Variants in SDHA observed in about 807,000 individuals in gnomAD.
SDHA encodes the protein succinate dehydrogenase complex flavoprotein subunit A.
Under a neutral mutation model 78.4 loss-of-function variants are expected in SDHA, and 48 were observed. The ratio of observed to expected loss-of-function variants is 0.61; its 90% CI spans 0.49 to 0.78. The LOEUF (loss-of-function observed/expected upper bound fraction) is 0.78. SDHA is among the 30% of genes least tolerant of loss of function. SDHA has a pLI of 0.00. For missense variants in SDHA, 680 were observed against 892.7 expected (o/e 0.76, Z 3.04); for synonymous variants, 326 against 353.9 (o/e 0.92, Z 0.88).
At chr5:251,762 A>G in intron 13 of SDHA, 1 of 1,359,764 alleles carries the variant, frequency 7.4e-7, no homozygotes. Flanking sequence ...TGGCAAGACC[A>G]GGAAATAAAT....
chr5:238,242 T>C (rs1387058095), intron 10 of SDHA, among the ~76,000 whole-genome samples: 1 of 152,038 alleles, frequency 6.6e-6, no homozygotes, highest in Non-Finnish European at 1.5e-5. Context: ...AGAGGCTGCT[T>C]CCTGATTGTG....
chr5:236,288 T>C, intron 9 of SDHA, 140 bp from the exon 10 acceptor site: 1 of 807,396 alleles, frequency 1.2e-6, no homozygotes, highest in Non-Finnish European at 2.1e-6. Flanking sequence ...CCTCCCAAAG[T>C]GCTGAGATTA....
At chr5:247,173 G>A (rs1163853206) in intron 11 of SDHA, among the ~76,000 whole-genome samples, 2 of 152,220 alleles carry the variant, frequency 1.3e-5, no homozygotes, top group African/African-American at 4.8e-5. Context: ...GCTTGTAGCT[G>A]TAATTGAGGT....
intron 1 of SDHA, 151 bp downstream of exon 1, chr5:218,569 G>T: frequency 1.7e-6 from 1 of 584,914 alleles, no homozygotes; most frequent in Non-Finnish European, 2.6e-6. Flanking sequence ...GCCCTGGGCC[G>T]GTGCGAGGGG....
At position 256,889 on chromosome 5, in the gene SDHA, A is replaced by G. The variant is rs1199361983; in HGVS notation, c.*469A>G. 6.8e-6 allele frequency among the ~76,000 whole-genome samples: 1 copy of G among 147,256 alleles called. No homozygotes were observed. The highest frequency in any genetic ancestry group is 2.6e-5 in the African/African-American group (1 of 38,762). On this transcript the variant is annotated 3_prime_UTR_variant, in exon 15 of 15. Coordinates refer to ENST00000264932, the MANE Select transcript of SDHA (RefSeq NM_004168.4). ...CAATCACAGCTCACTGCAGCCTCAA[A>G]CTCCTGGGCAGCTCAGGTGATCTTC...
At chr5:255,635 G>C (rs1333659808) in intron 14 of SDHA, among the ~76,000 whole-genome samples, 1 of 151,898 alleles carries the variant, frequency 6.6e-6, no homozygotes, top group African/African-American at 2.4e-5. Flanking sequence ...TAGAGATGGG[G>C]TTTCTCCACG....
downstream of SDHA, among the ~76,000 whole-genome samples, chr5:261,549 G>C (rs1305969227): frequency 3.6e-5 from 1 of 27,698 alleles, no homozygotes; most frequent in Non-Finnish European, 7.3e-5. Flanking sequence ...TCCGCCTCCC[G>C]TCAGAGCATT....
intron 10 of SDHA, among the ~76,000 whole-genome samples, chr5:239,854 C>T (rs1054082865): frequency 6.6e-6 from 1 of 151,730 alleles, no homozygotes; most frequent in Non-Finnish European, 1.5e-5. Context: ...ACTGCAACCT[C>T]CACCTTTAGG....
chr5:229,735 CTATAGTTAACATTATACAGCATGGTGGT>C (rs1735266100), intron 6 of SDHA, among the ~76,000 whole-genome samples: 1 of 151,720 alleles, frequency 6.6e-6, no homozygotes, highest in South Asian at 2.1e-4. Flanking sequence ...AGCATGGTGG[CTATAGTTAACATTATACAGCATGGTGGT>C]TAGAGTTAAC....
intron 11 of SDHA, among the ~76,000 whole-genome samples, chr5:241,380 C>A (rs2126606185): frequency 6.6e-6 from 1 of 152,332 alleles, no homozygotes; most frequent in East Asian, 1.9e-4. Flanking sequence ...TGGCTTCCAG[C>A]AGCTCGGAAA....
chr5:225,623 A>G lies in SDHA; in HGVS notation c.456+61A>G, dbSNP rs1734970506. The stretch of plus-strand genomic sequence containing the variant: ...TGTTTCTAGTACAAAAGAATCCTGG[A>G]AAAAAATGTAAGCAATTGAGGCGGA... On this transcript the variant is annotated intron_variant, in intron 4 of 14. Transcript: ENST00000264932. The G allele has an allele frequency of 3.1e-6, 5 of 1,608,672 alleles. No individual in the cohort carries two copies. In the African/African-American group the frequency reaches 5.4e-5, roughly 17 times the overall value.
At chr5:219,994 A>G (rs1734622992) in intron 1 of SDHA, among the ~76,000 whole-genome samples, 1 of 152,216 alleles carries the variant, frequency 6.6e-6, no homozygotes, top group Non-Finnish European at 1.5e-5. Flanking sequence ...TTCCTGAAGA[A>G]TTGGAGTTTA....
intron 13 of SDHA, among the ~76,000 whole-genome samples, chr5:253,243 C>T (rs949899062): frequency 6.6e-6 from 1 of 152,172 alleles, no homozygotes; most frequent in Non-Finnish European, 1.5e-5. Context: ...GCAGCCTTTC[C>T]AGTCAGCTGA....
At chr5:252,968 C>T (rs534207151) in intron 13 of SDHA, 1 of 152,606 alleles carries the variant, frequency 6.6e-6, no homozygotes, top group Non-Finnish European at 1.5e-5. Context: ...AGTAAGCCAC[C>T]ATTTCAGACC....
At chr5:235,490 A>T in intron 9 of SDHA, 151 bp downstream of exon 9, 1 of 799,076 alleles carries the variant, frequency 1.3e-6, no homozygotes, top group Non-Finnish European at 2.2e-6. Flanking sequence ...TTAAATTTCT[A>T]TTACCGGAGG....
intron 1 of SDHA, 22 bp downstream of exon 1, chr5:218,440 G>C: frequency 1.4e-6 from 2 of 1,382,184 alleles, no homozygotes; most frequent in Non-Finnish European, 1.9e-6. Context: ...CCGCGGACCG[G>C]GGCGGGGCAG....
chr5:268,579 C>G, the SDHA span, among the ~76,000 whole-genome samples: 1 of 152,178 alleles, frequency 6.6e-6, no homozygotes, highest in African/African-American at 2.4e-5. Context: ...GGGCTTGAAT[C>G]TCCTCTTACT....
chr5:255,439 C>T (rs371844504), intron 14 of SDHA, among the ~76,000 whole-genome samples: 72 of 150,418 alleles, frequency 4.8e-4, no homozygotes, highest in African/African-American at 1.5e-3. Context: ...TTAATGTTTC[C>T]GGGTTCGGGT....
intron 13 of SDHA, among the ~76,000 whole-genome samples, chr5:252,434 C>T (rs111298928): frequency 6.8e-6 from 1 of 146,516 alleles, no homozygotes; most frequent in African/African-American, 2.6e-5. Flanking sequence ...TTCAAGCCTG[C>T]CCTGTGGAGG....
Sources: allele counts gnomAD v4.1 joint callset (sites outside exome capture counted in the v4.1 genomes callset), GRCh38; gene constraint gnomAD v4.1.1; transcripts MANE v1.5; gene names NCBI Gene and HGNC (gene_info 2026-07-23, HGNC 2026-07-21).